Variants in DPP10 observed in about 807,000 individuals in gnomAD.
The protein encoded by DPP10 is inactive dipeptidyl peptidase 10.
A neutral mutation model predicts 120.9 loss-of-function variants in DPP10; 33 were observed. The ratio of observed to expected loss-of-function variants is 0.27; its 90% CI spans 0.21 to 0.37. DPP10 has a LOEUF of 0.37. Ranked by LOEUF, DPP10 falls within the 10% of genes least tolerant of loss-of-function variation. The pLI is 1.00. For synonymous variants in DPP10, 337 were observed against 326.1 expected (o/e 1.03, Z -0.36); for missense variants, 816 against 942.8 (o/e 0.87, Z 1.76).
intron 1 of DPP10, among the ~76,000 whole-genome samples, chr2:115,265,907 GC>G (rs2059442534): frequency 1.3e-5 from 2 of 148,466 alleles, no homozygotes; most frequent in East Asian, 4.0e-4. Flanking sequence ...TCATGCCACT[GC>G]AATCCAGCCT....
At chr2:114,889,825 A>G (rs1692394653) in intron 1 of DPP10, among the ~76,000 whole-genome samples, 1 of 152,194 alleles carries the variant, frequency 6.6e-6, no homozygotes, top group Non-Finnish European at 1.5e-5. Flanking sequence ...CATGTTTTGC[A>G]GTATAAAGCA....
chr2:115,628,201 T>C (rs886350368), intron 5 of DPP10, among the ~76,000 whole-genome samples: 49 of 152,176 alleles, frequency 3.2e-4, no homozygotes. Flanking sequence ...AAATTTTTAA[T>C]AATCACCATT....
At chr2:114,488,569 T>G (rs1358538632) in intron 1 of DPP10, among the ~76,000 whole-genome samples, 1 of 152,230 alleles carries the variant, frequency 6.6e-6, no homozygotes, top group African/African-American at 2.4e-5. Context: ...AGAATTATAG[T>G]ACTTAATATC....
intron 21 of DPP10, among the ~76,000 whole-genome samples, chr2:115,822,642 A>AT (rs1687923125): frequency 6.6e-6 from 1 of 151,856 alleles, no homozygotes; most frequent in Admixed American, 6.6e-5. Context: ...AGTTATAGAT[A>AT]TTTTTTCATT....
At chr2:115,676,067 C>T (rs1439516136) in intron 5 of DPP10, among the ~76,000 whole-genome samples, 1 of 152,136 alleles carries the variant, frequency 6.6e-6, no homozygotes, top group African/African-American at 2.4e-5. Context: ...CATGCATATT[C>T]CCCAGAGCCT....
chr2:114,476,686 C>T (rs1437873678), intron 1 of DPP10, among the ~76,000 whole-genome samples: 1 of 152,140 alleles, frequency 6.6e-6, no homozygotes, highest in Non-Finnish European at 1.5e-5. Flanking sequence ...GAGTGGGGAG[C>T]TACTCTGTGG....
At chr2:115,435,051 C>CAT (rs58828924) in intron 3 of DPP10, among the ~76,000 whole-genome samples, 27,564 of 147,692 alleles carry the variant, frequency 0.19, 2,702 homozygotes, top group East Asian at 0.33. Context: ...CACATGCACA[C>CAT]ATATATATAT....
chr2:114,537,394 G>T (rs1485700196), intron 1 of DPP10, among the ~76,000 whole-genome samples: 7 of 152,098 alleles, frequency 4.6e-5, no homozygotes, highest in African/African-American at 7.2e-5. Context: ...AAAAACAGTT[G>T]TTCTTGTGTG....
intron 1 of DPP10, among the ~76,000 whole-genome samples, chr2:115,059,352 CTTTTTTTTT>C (rs70941024): frequency 7.4e-6 from 1 of 135,776 alleles, no homozygotes; most frequent in African/African-American, 2.7e-5. Flanking sequence ...GTAGGTATTT[CTTTTTTTTT>C]TTTTTTTGCC....
intron 5 of DPP10, among the ~76,000 whole-genome samples, chr2:115,631,898 G>T (rs778426493): frequency 6.6e-6 from 1 of 152,150 alleles, no homozygotes; most frequent in Non-Finnish European, 1.5e-5. Context: ...TTGTTTTGGG[G>T]TGGAGAGTTC....
chr2:115,095,861 A>G (rs17686659), intron 1 of DPP10, among the ~76,000 whole-genome samples: 1 of 152,170 alleles, frequency 6.6e-6, no homozygotes, highest in South Asian at 2.1e-4. Context: ...TTTTATATGT[A>G]GTAGTATTAA....
intron 1 of DPP10, among the ~76,000 whole-genome samples, chr2:115,058,932 C>G (rs1706170032): frequency 6.6e-6 from 1 of 152,146 alleles, no homozygotes; most frequent in Non-Finnish European, 1.5e-5. Context: ...CAGCGGAACA[C>G]TCTCCAGTGT....
intron 3 of DPP10, among the ~76,000 whole-genome samples, chr2:115,371,342 G>C (rs2065397317): frequency 1.3e-5 from 2 of 152,132 alleles, no homozygotes; most frequent in South Asian, 4.1e-4. Flanking sequence ...CTTACAAAAT[G>C]TAGCTCATAG....
chr2:115,030,482 T>G (rs1509750), intron 1 of DPP10, among the ~76,000 whole-genome samples: 1 of 151,558 alleles, frequency 6.6e-6, no homozygotes, highest in Non-Finnish European at 1.5e-5. Context: ...TTTTCTTTTT[T>G]CCCAACTTTT....
chr2:115,785,165 G>T (rs1393093723), intron 17 of DPP10, among the ~76,000 whole-genome samples: 1 of 152,206 alleles, frequency 6.6e-6, no homozygotes, highest in Non-Finnish European at 1.5e-5. Flanking sequence ...GAAAGAGGGA[G>T]AAAACTGCTC....
chr2:115,341,261 A>G (rs528716435), intron 2 of DPP10, among the ~76,000 whole-genome samples: 1 of 151,654 alleles, frequency 6.6e-6, no homozygotes, highest in African/African-American at 2.4e-5. Context: ...TTTTTTTAAT[A>G]GTTTTTTTTT....
intron 1 of DPP10, among the ~76,000 whole-genome samples, chr2:115,014,058 A>G (rs2420581): frequency 0.53 from 80,047 of 151,960 alleles, 21,796 homozygotes; most frequent in East Asian, 0.65. Flanking sequence ...TGAGCACCAC[A>G]TCACACCTAT....
chr2:115,484,033 G>T (rs772834390), intron 3 of DPP10, among the ~76,000 whole-genome samples: 3 of 151,928 alleles, frequency 2.0e-5, no homozygotes, highest in African/African-American at 7.3e-5. Flanking sequence ...AACATGACTC[G>T]TGTAGATGAC....
chr2:115,259,070 A>C (rs750994766), intron 1 of DPP10, among the ~76,000 whole-genome samples: 7 of 152,282 alleles, frequency 4.6e-5, no homozygotes, highest in South Asian at 4.1e-4. Context: ...GTGGTCATCT[A>C]TTTCTTGCAC....
Sources: gnomAD v4.1 joint callset for allele counts (sites outside exome capture counted in the v4.1 genomes callset) on GRCh38, gnomAD v4.1.1 for gene constraint, MANE v1.5 for transcripts, NCBI Gene and HGNC (gene_info 2026-07-23, HGNC 2026-07-21) for gene names.